Variants in SCAF11 observed in about 807,000 individuals in gnomAD.
SCAF11 encodes the protein protein SCAF11.
SCAF11 carries 47 observed loss-of-function variants against 140.5 expected under a neutral mutation model. The ratio of observed to expected loss-of-function variants is 0.33; its 90% CI spans 0.26 to 0.43. The LOEUF (loss-of-function observed/expected upper bound fraction) is 0.43, where lower values mean the gene tolerates loss of function less well. SCAF11 is among the 20% of genes least tolerant of loss of function. The pLI, the probability that SCAF11 is intolerant of heterozygous loss-of-function variation, is 1.00. For missense variants in SCAF11, 1,645 were observed against 1,705.1 expected (o/e 0.96, Z 0.62); for synonymous variants, 557 against 579.4 (o/e 0.96, Z 0.55).
intron 3 of SCAF11, chr12:45,954,805 T>C (rs1316668976): frequency 3.3e-5 from 5 of 150,208 alleles, no homozygotes; most frequent in Admixed American, 2.7e-4. Context: ...GGCTTCATCT[T>C]GAACTCCTGT....
rs757180349 is a variant in SCAF11 at position 45,927,261 on chromosome 12, G to A, written c.2440C>T (p.Pro814Ser). 31 of 1,613,734 alleles carry A rather than the reference G, an allele frequency of 1.9e-5. No homozygotes were observed. The highest frequency in any genetic ancestry group is 2.5e-5 in the Non-Finnish European group (30 of 1,179,984). The change falls in exon 11 of 15, where the codon CCC becomes TCC. Residue 814 changes from proline (P) to serine (S), a missense_variant. Transcript: ENST00000369367. The part of the protein sequence containing the change: ...NKDTPQEKKR[P>S]QSPSPRRETG... ...TCTCTTCTGGGAGATGGAGACTGGG[G>A]CCGCTTCTTTTCTTGTGGAGTGTCT...
rs1335325585 is a variant in SCAF11 at position 45,931,591 on chromosome 12, A to C, written c.756T>G (p.Asn252Lys). Reference sequence around the variant, plus strand: ...TGAGAGGAAGGACTTCTGTTTCAACATTCCAGGGTATAAAACCAATTCTGA... The same window carrying C: ...TGAGAGGAAGGACTTCTGTTTCAACCTTCCAGGGTATAAAACCAATTCTGA... ...GIGRIGFIPW[N>K]VETEVLPLIS... The change falls in exon 10 of 15, where the codon AAT becomes AAG. Residue 252 changes from asparagine (N) to lysine (K), a missense_variant. Asn to Lys is a moderately conservative substitution (Grantham distance 94, BLOSUM62 0). Coordinates refer to ENST00000369367, the MANE Select transcript of SCAF11 (RefSeq NM_004719.3). 3.3e-6 allele frequency: 5 copies of C among 1,530,920 alleles called. No homozygotes were observed. Among genetic ancestry groups the C allele is most frequent in the South Asian group, 1.3e-5 (1 of 74,100 alleles). 94.8% of individuals were successfully genotyped at this position (1,530,920 alleles called of 1,614,324 possible). A position where few individuals can be genotyped will look rare whatever the true frequency, so the allele number is the denominator to read the frequency against.
At chr12:45,972,807 T>G (rs970334947) in intron 1 of SCAF11, among the ~76,000 whole-genome samples, 2 of 144,910 alleles carry the variant, frequency 1.4e-5, no homozygotes, top group African/African-American at 5.1e-5. Flanking sequence ...GTGAATTATC[T>G]AAAATGAATT....
chr12:45,956,261 G>GTA, intron 3 of SCAF11: 1 of 675,770 alleles, frequency 1.5e-6, no homozygotes, highest in Non-Finnish European at 2.7e-6. Flanking sequence ...ATGTTTATAG[G>GTA]TAGGTTTGCC....
chr12:45,970,815 T>C (rs558302205), intron 1 of SCAF11, among the ~76,000 whole-genome samples: 1 of 152,352 alleles, frequency 6.6e-6, no homozygotes, highest in African/African-American at 2.4e-5. Context: ...GGTCTTTTAA[T>C]AAAATCAGTT....
rs747191004 is a variant in SCAF11, at chr12:45,927,294, G to A, written c.2407C>T (p.Pro803Ser). ...TTTTCTTGTGGAGTGTCTTTGTTGG[G>A]TGACCAAGTTGTAGATGGAGAATGA... ...RFHSPSTTWS[P>S]NKDTPQEKKR... The change falls in exon 11 of 15, where the codon CCC becomes TCC. Residue 803 changes from proline (P) to serine (S), a missense_variant. Physicochemically the swap from Pro to Ser is moderately conservative, Grantham distance 74. This residue lies in a region of SCAF11 where 1,582 missense variants were observed against 1,609.2 expected (regional missense o/e 0.98). Transcript: ENST00000369367. 6.2e-7 allele frequency: 1 copy of A among 1,614,032 alleles called. No individual in the cohort carries two copies. Among genetic ancestry groups the A allele is most frequent in the East Asian group, 2.2e-5 (1 of 44,884 alleles).
intron 6 of SCAF11, among the ~76,000 whole-genome samples, chr12:45,936,063 C>T (rs1414703596): frequency 6.6e-6 from 1 of 152,086 alleles, no homozygotes; most frequent in Non-Finnish European, 1.5e-5. Context: ...CCCCAAAGCA[C>T]TCATCAAATC....
At chr12:45,963,792 A>C (rs1247367495) in intron 2 of SCAF11, among the ~76,000 whole-genome samples, 2 of 152,200 alleles carry the variant, frequency 1.3e-5, no homozygotes, top group Admixed American at 1.3e-4. Flanking sequence ...TTAGAAGCAG[A>C]GGACAGTACC....
chr12:45,988,853 T>C (rs962475232), intron 1 of SCAF11, among the ~76,000 whole-genome samples: 2 of 152,178 alleles, frequency 1.3e-5, no homozygotes, highest in Non-Finnish European at 2.9e-5. Flanking sequence ...AAAAATATTA[T>C]AGCTAAAATG....
At chr12:45,969,282 A>C (rs888818581) in intron 1 of SCAF11, among the ~76,000 whole-genome samples, 5 of 152,140 alleles carry the variant, frequency 3.3e-5, no homozygotes, top group Admixed American at 6.5e-5. Context: ...TAATAATGTA[A>C]ACTATTCTTT....
At chr12:45,980,259 T>C (rs2136660679) in intron 1 of SCAF11, among the ~76,000 whole-genome samples, 1 of 152,336 alleles carries the variant, frequency 6.6e-6, no homozygotes, top group East Asian at 1.9e-4. Context: ...ACATTCTTAA[T>C]GATTCAAATG....
At chr12:45,933,511 C>G (rs1945103224) in intron 8 of SCAF11, among the ~76,000 whole-genome samples, 1 of 152,078 alleles carries the variant, frequency 6.6e-6, no homozygotes, top group Admixed American at 6.6e-5. Context: ...AAAGTCAAGT[C>G]AGAGTAATAT....
At chr12:45,989,987 G>A (rs1592235659) in intron 1 of SCAF11, among the ~76,000 whole-genome samples, 2 of 117,056 alleles carry the variant, frequency 1.7e-5, no homozygotes, top group South Asian at 3.0e-4. Flanking sequence ...CCCCCCCCCC[G>A]TAGGACCCTG....
chr12:45,957,449 T>C (rs1215711162), intron 3 of SCAF11, among the ~76,000 whole-genome samples: 1 of 152,206 alleles, frequency 6.6e-6, no homozygotes, highest in East Asian at 1.9e-4. Flanking sequence ...TTCACCTATG[T>C]TGAACACTAT....
chr12:45,969,978 C>A (rs1946036691), intron 1 of SCAF11, among the ~76,000 whole-genome samples: 1 of 152,200 alleles, frequency 6.6e-6, no homozygotes, highest in African/African-American at 2.4e-5. Context: ...CTCACCGCAA[C>A]CTCCGCTTCC....
intron 1 of SCAF11, among the ~76,000 whole-genome samples, chr12:45,966,989 T>A (rs1945964250): frequency 6.6e-6 from 1 of 152,228 alleles, no homozygotes; most frequent in Non-Finnish European, 1.5e-5. Flanking sequence ...TAATATATTA[T>A]CCCTTTATGT....
intron 1 of SCAF11, among the ~76,000 whole-genome samples, chr12:45,982,431 G>A (rs1041433256): frequency 2.0e-5 from 3 of 152,166 alleles, no homozygotes; most frequent in Non-Finnish European, 4.4e-5. Context: ...TCGGGGCCGG[G>A]TACAGTGGCT....
intron 6 of SCAF11, among the ~76,000 whole-genome samples, chr12:45,938,188 G>A (rs1326717578): frequency 6.6e-6 from 1 of 152,080 alleles, no homozygotes; most frequent in East Asian, 1.9e-4. Context: ...TAAACTTTGT[G>A]GCTTAAAACT....
intron 3 of SCAF11, chr12:45,960,356 C>T (rs1360298789): frequency 6.6e-6 from 1 of 152,040 alleles, no homozygotes; most frequent in Admixed American, 6.6e-5. Flanking sequence ...TATAAAAAAG[C>T]ACTGTATTGA....
Sources: allele counts gnomAD v4.1 joint callset (sites outside exome capture counted in the v4.1 genomes callset), GRCh38; gene constraint gnomAD v4.1.1; regional missense constraint gnomAD v4.1.1; transcripts MANE v1.5; gene names NCBI Gene and HGNC (gene_info 2026-07-23, HGNC 2026-07-21).